The following UGT1A7 variants were observed in gnomAD, a reference collection of about 807,000 sequenced individuals.
UGT1A7 encodes UDP-glucuronosyltransferase 1A7.
UGT1A7 carries 33 observed loss-of-function variants against 45.6 expected under a neutral mutation model. The observed-to-expected ratio is 0.72, with a 90% confidence interval of 0.55 to 0.97. The LOEUF is 0.97. Among genes scored for constraint, UGT1A7 ranks in the 50% least tolerant of loss-of-function variants. The pLI is 0.00. For missense variants in UGT1A7, 684 were observed against 666.2 expected, an observed-to-expected ratio of 1.03 and a Z score of -0.29; for synonymous variants, 274 against 250.6, an observed-to-expected ratio of 1.09 and a Z score of -0.88.
At chr2:233,771,559 G>GTA (rs1700328528) in intron 4 of UGT1A7, 1 of 152,152 alleles carries the variant, frequency 6.6e-6, no homozygotes, top group South Asian at 2.1e-4. Flanking sequence ...CTGTTAATTT[G>GTA]GCCAGAGGTG....
chr2:233,729,571 G>GT (rs780418650), intron 1 of UGT1A7: 6 of 1,613,982 alleles, frequency 3.7e-6, no homozygotes, highest in Non-Finnish European at 4.2e-6. Flanking sequence ...CTTTGATGTG[G>GT]TTTTAACAGA....
intron 1 of UGT1A7, among the ~76,000 whole-genome samples, chr2:233,734,301 T>TATATACGTATAAATACG (rs2078508917): frequency 6.6e-6 from 1 of 152,170 alleles, no homozygotes; most frequent in Non-Finnish European, 1.5e-5. Context: ...GATTTTCTAG[T>TATATACGTATAAATACG]TTATTTGTGT....
intron 1 of UGT1A7, among the ~76,000 whole-genome samples, chr2:233,700,325 CCT>C (rs1265202674): frequency 6.6e-6 from 1 of 152,188 alleles, no homozygotes; most frequent in Non-Finnish European, 1.5e-5. Flanking sequence ...TAAAATTCTG[CCT>C]CTCTTTCAAA....
chr2:233,705,344 C>G (rs771723864), intron 1 of UGT1A7, among the ~76,000 whole-genome samples: 1 of 152,092 alleles, frequency 6.6e-6, no homozygotes, highest in Non-Finnish European at 1.5e-5. Context: ...CAATTTTTGT[C>G]TTATTACATG....
At chr2:233,748,060 A>G in intron 1 of UGT1A7, 2 of 1,613,404 alleles carry the variant, frequency 1.2e-6, no homozygotes, top group Non-Finnish European at 1.7e-6. Flanking sequence ...AACTGTGCCA[A>G]CAGGAAGCCA....
At chr2:233,711,977 C>T (rs562474845) in intron 1 of UGT1A7, among the ~76,000 whole-genome samples, 2 of 152,280 alleles carry the variant, frequency 1.3e-5, no homozygotes, top group Admixed American at 6.5e-5. Context: ...TGAACTAGAG[C>T]CCCCACAAAT....
chr2:233,757,535 AATATATATATAT>A (rs67292694), intron 1 of UGT1A7, among the ~76,000 whole-genome samples: 4 of 88,300 alleles, frequency 4.5e-5, no homozygotes, highest in African/African-American at 5.0e-5. Flanking sequence ...GCCTGTAAGG[AATATATATATAT>A]ATATATATAT....
At chr2:233,754,986 T>A (rs1394613146) in intron 1 of UGT1A7, 2 of 1,295,836 alleles carry the variant, frequency 1.5e-6, no homozygotes, top group Non-Finnish European at 2.1e-6. Flanking sequence ...CTCGGCGGGG[T>A]CACGGAAGCT....
rs936564729 is a variant in UGT1A7, at chr2:233,733,619, C to T, written c.856-33415C>T. ...GTGATGGATTACATTTATTGATTTG[C>T]ATATGTTGAACCAGCCTTGCATCCC... On this transcript the variant is annotated intron_variant, in intron 1 of 4. Coordinates refer to ENST00000373426, the MANE Select transcript of UGT1A7 (RefSeq NM_019077.3). Among the ~76,000 whole-genome samples, 7 of 152,296 alleles carry T rather than the reference C, an allele frequency of 4.6e-5. No homozygotes were observed. In the Middle Eastern group the frequency reaches 0.014, roughly 296 times the overall value.
intron 4 of UGT1A7, 43 bp from the exon 5 acceptor site, chr2:233,772,219 A>G (rs1474444531): frequency 6.2e-7 from 1 of 1,612,704 alleles, no homozygotes; most frequent in East Asian, 2.2e-5. Context: ...GATTGTTCAT[A>G]CCACAGGTGT....
intron 1 of UGT1A7, among the ~76,000 whole-genome samples, chr2:233,717,359 G>A (rs1445197298): frequency 6.6e-6 from 1 of 152,216 alleles, no homozygotes; most frequent in Non-Finnish European, 1.5e-5. Flanking sequence ...CCCCTGGGGA[G>A]TTCTCAAGCC....
intron 1 of UGT1A7, among the ~76,000 whole-genome samples, chr2:233,751,671 A>C (rs1207862608): frequency 1.3e-5 from 2 of 152,074 alleles, no homozygotes; most frequent in Non-Finnish European, 2.9e-5. Context: ...GTGAGTTCTA[A>C]TGAGAGCTGA....
intron 1 of UGT1A7, among the ~76,000 whole-genome samples, chr2:233,731,442 C>T (rs375687165): frequency 6.6e-6 from 1 of 152,134 alleles, no homozygotes; most frequent in Non-Finnish European, 1.5e-5. Flanking sequence ...CCCAGTCCCC[C>T]ACCCCACAAC....
At chr2:233,739,887 A>G (rs1419215414) in intron 1 of UGT1A7, among the ~76,000 whole-genome samples, 1 of 151,912 alleles carries the variant, frequency 6.6e-6, no homozygotes, top group African/African-American at 2.4e-5. Context: ...GTGTGTTTCC[A>G]CCCAAATCTC....
At chr2:233,688,704 G>A (rs2074910823) in intron 1 of UGT1A7, among the ~76,000 whole-genome samples, 1 of 152,088 alleles carries the variant, frequency 6.6e-6, no homozygotes, top group Non-Finnish European at 1.5e-5. Flanking sequence ...GTCCTTCATT[G>A]AACAAATATC....
chr2:233,690,297 T>C (rs760995534), intron 1 of UGT1A7, among the ~76,000 whole-genome samples: 2 of 152,238 alleles, frequency 1.3e-5, no homozygotes, highest in Non-Finnish European at 2.9e-5. Context: ...AGGTGGGTCC[T>C]GGCTCCATTA....
intron 1 of UGT1A7, chr2:233,741,606 TTCAG>T (rs1691716014): frequency 1.3e-5 from 2 of 151,870 alleles, no homozygotes; most frequent in South Asian, 4.1e-4. Context: ...GATTTCAGAG[TTCAG>T]TGTCAGACCC....
chr2:233,772,643 T>C lies in UGT1A7; in HGVS notation c.*84T>C, dbSNP rs78684540. ...AAAACAGAATCAGTGTTAAATTCAT[T>C]TTATTCTTATTAAGGAAATACTTTG... is the stretch of plus-strand genomic sequence containing the variant. On this transcript the variant is annotated 3_prime_UTR_variant, in exon 5 of 5. Transcript: ENST00000373426. The C allele has an allele frequency of 4.5e-5, 70 of 1,550,640 alleles. No homozygotes were observed. The East Asian group carries it at 1.3e-3, about 28-fold the overall frequency.
At chr2:233,751,036 G>T (rs1694621697) in intron 1 of UGT1A7, among the ~76,000 whole-genome samples, 1 of 151,846 alleles carries the variant, frequency 6.6e-6, no homozygotes, top group South Asian at 2.1e-4. Context: ...AGCTTGCACT[G>T]TGTGCCTGGA....
Sources: gnomAD v4.1 joint callset for allele counts (sites outside exome capture counted in the v4.1 genomes callset) on GRCh38, gnomAD v4.1.1 for gene constraint, MANE v1.5 for transcripts, NCBI Gene and HGNC (gene_info 2026-07-23, HGNC 2026-07-21) for gene names.